The following ASAP1 variants were observed in gnomAD, a reference collection of about 807,000 sequenced individuals.
The protein encoded by ASAP1 is arf-GAP with SH3 domain, ANK repeat and PH domain-containing protein 1.
ASAP1 carries 43 observed loss-of-function variants against 145.2 expected under a neutral mutation model. The observed-to-expected ratio is 0.30, with a 90% confidence interval of 0.23 to 0.38. The LOEUF is 0.38. Ranked by LOEUF, ASAP1 falls within the 10% of genes least tolerant of loss-of-function variation. The pLI is 1.00. For missense variants in ASAP1, 1,018 were observed against 1,355.3 expected, an observed-to-expected ratio of 0.75 and a Z score of 3.91; for synonymous variants, 546 against 515.5, an observed-to-expected ratio of 1.06 and a Z score of -0.80.
chr8:130,328,357 G>A (rs1435212312), intron 3 of ASAP1, among the ~76,000 whole-genome samples: 2 of 152,200 alleles, frequency 1.3e-5, no homozygotes, highest in African/African-American at 2.4e-5. Context: ...CAGTGAAAGT[G>A]CAGGTGACAA....
intron 24 of ASAP1, among the ~76,000 whole-genome samples, chr8:130,096,707 C>G (rs1592789729): frequency 6.6e-6 from 1 of 152,160 alleles, no homozygotes; most frequent in Non-Finnish European, 1.5e-5. Flanking sequence ...GCTGAATCAT[C>G]TAGGAGCATG....
At chr8:130,260,351 A>G (rs1203625518) in intron 3 of ASAP1, among the ~76,000 whole-genome samples, 1 of 152,206 alleles carries the variant, frequency 6.6e-6, no homozygotes, top group Non-Finnish European at 1.5e-5. Flanking sequence ...TACTCACTGC[A>G]GTTCAGCCTC....
Position 130,153,332 on chromosome 8 carries a change from AATAT to A in ASAP1, c.1011-531_1011-528del, listed in dbSNP as rs67554567. ...AGCACCTGGCCAGCACTGCTTTTTA[AATAT>A]ATATATATATATATATATATATGTA... On this transcript the variant is annotated intron_variant, in intron 12 of 29. Transcript: ENST00000518721. Among the ~76,000 whole-genome samples, 99 of 87,510 alleles carry A rather than the reference AATAT, an allele frequency of 1.1e-3. 2 individuals are homozygous for A. The highest frequency in any genetic ancestry group is 0.011 in the Middle Eastern group (2 of 180). 57.4% of individuals were successfully genotyped at this position (87,510 alleles called of 152,430 possible).
chr8:130,190,087 C>T (rs1646223465), intron 5 of ASAP1, among the ~76,000 whole-genome samples: 1 of 152,140 alleles, frequency 6.6e-6, no homozygotes, highest in African/African-American at 2.4e-5. Flanking sequence ...TTCTCCTATT[C>T]TGTGGGTTGT....
intron 3 of ASAP1, among the ~76,000 whole-genome samples, chr8:130,342,082 A>G (rs1056881366): frequency 6.6e-6 from 1 of 152,180 alleles, no homozygotes; most frequent in African/African-American, 2.4e-5. Context: ...CTGAAAGCAG[A>G]CTTTGGAAAG....
rs1417957778 is a variant in ASAP1, at chr8:130,093,085, T to C, written c.2402-942A>G. Among the ~76,000 whole-genome samples the C allele has an allele frequency of 3.3e-5, 5 of 152,122 alleles. 1 individual carries two copies. Among genetic ancestry groups the C allele is most frequent in the South Asian group, 2.1e-4 (1 of 4,828 alleles). On this transcript the variant is annotated intron_variant, in intron 24 of 29. Coordinates refer to ENST00000518721, the MANE Select transcript of ASAP1 (RefSeq NM_018482.4). ...ATATTGGAAGCCTGAACAACATTTA[T>C]ATAGACACTGATTTTTATAGACTAA...
At chr8:130,398,939 C>T (rs10099549) in intron 2 of ASAP1, among the ~76,000 whole-genome samples, 54,397 of 152,082 alleles carry the variant, frequency 0.36, 10,399 homozygotes, top group African/African-American at 0.47. Flanking sequence ...TCTTCTATAA[C>T]AATAACTCTC....
At chr8:130,117,738 T>A (rs2097558694) in intron 20 of ASAP1, among the ~76,000 whole-genome samples, 1 of 152,220 alleles carries the variant, frequency 6.6e-6, no homozygotes, top group South Asian at 2.1e-4. Context: ...ATGGTTGACC[T>A]GTGCTGTTAA....
chr8:130,088,932 G>A (rs939890937), intron 25 of ASAP1, among the ~76,000 whole-genome samples: 3 of 152,192 alleles, frequency 2.0e-5, no homozygotes, highest in Non-Finnish European at 4.4e-5. Context: ...AAAGATACTT[G>A]CTGAAAATCA....
At chr8:130,292,340 T>C (rs1305895944) in intron 3 of ASAP1, among the ~76,000 whole-genome samples, 1 of 152,178 alleles carries the variant, frequency 6.6e-6, no homozygotes, top group Non-Finnish European at 1.5e-5. Flanking sequence ...GCAGTTAAGA[T>C]GGTGTGATCA....
chr8:130,441,304 C>T (rs1830480432), intron 1 of ASAP1, among the ~76,000 whole-genome samples: 1 of 152,188 alleles, frequency 6.6e-6, no homozygotes, highest in Non-Finnish European at 1.5e-5. Flanking sequence ...AGTTTCCGCT[C>T]CTCCTTAGGA....
At chr8:130,278,378 G>GA (rs138858386) in intron 3 of ASAP1, among the ~76,000 whole-genome samples, 3,944 of 145,492 alleles carry the variant, frequency 0.027, 59 homozygotes, top group Middle Eastern at 0.045. Flanking sequence ...TGTGCTAAAT[G>GA]AAAAAAAAAA....
chr8:130,310,836 T>C (rs865938870), intron 3 of ASAP1, among the ~76,000 whole-genome samples: 8 of 152,206 alleles, frequency 5.3e-5, no homozygotes, highest in Admixed American at 2.0e-4. Flanking sequence ...CATTTCCCTA[T>C]ATATTTGAGC....
intron 3 of ASAP1, among the ~76,000 whole-genome samples, chr8:130,351,431 C>T (rs1360787515): frequency 6.6e-6 from 1 of 151,702 alleles, no homozygotes; most frequent in Non-Finnish European, 1.5e-5. Context: ...TTTTTTAAAT[C>T]CAAAGATATA....
At chr8:130,062,992 A>C (rs374330233) in intron 27 of ASAP1, among the ~76,000 whole-genome samples, 1 of 152,094 alleles carries the variant, frequency 6.6e-6, no homozygotes, top group East Asian at 1.9e-4. Flanking sequence ...ACAAACAACA[A>C]TGATATGTAG....
chr8:130,191,384 A>G (rs181406366), intron 5 of ASAP1, among the ~76,000 whole-genome samples: 2 of 152,300 alleles, frequency 1.3e-5, no homozygotes, highest in South Asian at 2.1e-4. Flanking sequence ...CACTCAAGAA[A>G]TGATTTTACT....
chr8:130,355,052 A>AT (rs1230646361), intron 3 of ASAP1, among the ~76,000 whole-genome samples: 2 of 151,952 alleles, frequency 1.3e-5, no homozygotes, highest in African/African-American at 4.8e-5. Context: ...TGCCTGGCTA[A>AT]TTTTTTAGTA....
intron 13 of ASAP1, among the ~76,000 whole-genome samples, chr8:130,145,542 C>T (rs2135901057): frequency 1.3e-5 from 2 of 152,284 alleles, no homozygotes; most frequent in East Asian, 1.9e-4. Context: ...TGTTCTTGAA[C>T]TCATGACCTC....
At chr8:130,247,705 G>A (rs777828741) in intron 3 of ASAP1, among the ~76,000 whole-genome samples, 2 of 152,174 alleles carry the variant, frequency 1.3e-5, no homozygotes, top group Non-Finnish European at 2.9e-5. Context: ...AAGCAGGTCA[G>A]ACGTGAGCTG....
Sources: gnomAD v4.1 joint callset for allele counts (sites outside exome capture counted in the v4.1 genomes callset) on GRCh38, gnomAD v4.1.1 for gene constraint, MANE v1.5 for transcripts, NCBI Gene and HGNC (gene_info 2026-07-23, HGNC 2026-07-21) for gene names.